Variants in GRK3 observed in about 807,000 individuals in gnomAD.
The protein encoded by GRK3 is G protein-coupled receptor kinase 3, also known as adrenergic, beta, receptor kinase 2.
In GRK3, 54 loss-of-function variants were observed where a neutral mutation model predicts 95.7. The ratio of observed to expected loss-of-function variants is 0.56; its 90% CI spans 0.45 to 0.71. GRK3 has a LOEUF of 0.71. Ranked by LOEUF, GRK3 falls within the 30% of genes least tolerant of loss-of-function variation. The probability of loss-of-function intolerance (pLI) is 0.00; values close to 1 mark genes in which losing one functional copy is unlikely to be tolerated. For synonymous variants in GRK3, 281 were observed against 290.8 expected, an observed-to-expected ratio of 0.97 and a Z score of 0.34; for missense variants, 649 against 851.2, an observed-to-expected ratio of 0.76 and a Z score of 2.96.
intron 9 of GRK3, among the ~76,000 whole-genome samples, chr22:25,679,130 T>C (rs903068375): frequency 6.6e-6 from 1 of 152,208 alleles, no homozygotes; most frequent in African/African-American, 2.4e-5. Flanking sequence ...TGCCTATTTA[T>C]TTGTCCTTGA....
chr22:25,607,106 A>G (rs971760652), intron 2 of GRK3, among the ~76,000 whole-genome samples: 5 of 152,250 alleles, frequency 3.3e-5, no homozygotes, highest in African/African-American at 1.2e-4. Context: ...GTGTATATAT[A>G]TATATTTACA....
chr22:25,647,847 A>ATGCCAC (rs1306794291), intron 3 of GRK3: 11 of 734,548 alleles, frequency 1.5e-5, no homozygotes, highest in Admixed American at 9.1e-5. Flanking sequence ...GCAGTGGCTC[A>ATGCCAC]TGCCTGTAAT....
At chr22:25,580,437 G>A (rs1950946085) in intron 1 of GRK3, 1 of 152,224 alleles carries the variant, frequency 6.6e-6, no homozygotes, top group Admixed American at 6.5e-5. Flanking sequence ...GAGTTGGGAA[G>A]TGATAATAGA....
intron 1 of GRK3, among the ~76,000 whole-genome samples, chr22:25,597,383 C>T (rs2084379468): frequency 6.6e-6 from 1 of 152,118 alleles, no homozygotes; most frequent in Non-Finnish European, 1.5e-5. Context: ...TGTTCTATAG[C>T]ACTGTAGGAT....
At chr22:25,598,148 A>T (rs2084384929) in intron 1 of GRK3, among the ~76,000 whole-genome samples, 2 of 152,374 alleles carry the variant, frequency 1.3e-5, no homozygotes, top group South Asian at 2.1e-4. Flanking sequence ...GCATATGACA[A>T]TAATAGCACA....
intron 2 of GRK3, among the ~76,000 whole-genome samples, chr22:25,614,364 G>A (rs2084522151): frequency 6.6e-6 from 1 of 152,090 alleles, no homozygotes; most frequent in Non-Finnish European, 1.5e-5. Context: ...GGACTCCTGG[G>A]CTCAAGAGAT....
At chr22:25,631,868 A>G (rs1402803774) in intron 2 of GRK3, among the ~76,000 whole-genome samples, 2 of 152,146 alleles carry the variant, frequency 1.3e-5, no homozygotes, top group African/African-American at 4.8e-5. Flanking sequence ...TTTATTTAGC[A>G]TGATGTGTTT....
At chr22:25,687,970 C>T (rs12168036) in intron 11 of GRK3, among the ~76,000 whole-genome samples, 7 of 152,208 alleles carry the variant, frequency 4.6e-5, no homozygotes, top group South Asian at 2.1e-4. Flanking sequence ...GGTGCGGTGG[C>T]TCATGCCTGT....
intron 1 of GRK3, among the ~76,000 whole-genome samples, chr22:25,572,125 G>C (rs1424434482): frequency 6.6e-6 from 1 of 150,908 alleles, no homozygotes; most frequent in African/African-American, 2.4e-5. Context: ...TTCTGTTCCT[G>C]TGTTAGTTTG....
At chr22:25,644,159 T>G (rs12158269) in intron 2 of GRK3, among the ~76,000 whole-genome samples, 1,600 of 151,968 alleles carry the variant, frequency 0.011, 26 homozygotes, top group African/African-American at 0.035. Flanking sequence ...TTGTTTGTTT[T>G]TTTTTTAGGG....
intron 11 of GRK3, among the ~76,000 whole-genome samples, chr22:25,688,084 A>G (rs1160829998): frequency 2.0e-5 from 3 of 152,006 alleles, no homozygotes; most frequent in African/African-American, 7.3e-5. Context: ...AAAATACAAA[A>G]AATTAGCCGG....
At chr22:25,635,392 C>T (rs530476153) in intron 2 of GRK3, among the ~76,000 whole-genome samples, 4 of 152,112 alleles carry the variant, frequency 2.6e-5, no homozygotes, top group Non-Finnish European at 5.9e-5. Flanking sequence ...AAAATCAGGA[C>T]ATTGAACACA....
At chr22:25,572,019 C>T (rs1931716122) in intron 1 of GRK3, among the ~76,000 whole-genome samples, 1 of 151,844 alleles carries the variant, frequency 6.6e-6, no homozygotes, top group African/African-American at 2.4e-5. Context: ...CCCCCCGCCC[C>T]ATGATAGACC....
At chr22:25,590,276 A>G (rs1932448228) in intron 1 of GRK3, among the ~76,000 whole-genome samples, 1 of 152,142 alleles carries the variant, frequency 6.6e-6, no homozygotes, top group African/African-American at 2.4e-5. Flanking sequence ...CCTTAATATT[A>G]TCAAATAGTC....
At chr22:25,706,328 G>A (rs535986675) in intron 15 of GRK3, among the ~76,000 whole-genome samples, 1 of 152,038 alleles carries the variant, frequency 6.6e-6, no homozygotes, top group Admixed American at 6.5e-5. Context: ...CAAGTGTGCA[G>A]CTCAATGCCC....
rs566792099 is a variant in GRK3 at position 25,602,509 on chromosome 22, G to T, written c.114-1868G>T. 2.0e-5 allele frequency among the ~76,000 whole-genome samples: 3 copies of T among 152,108 alleles called. No individual in the cohort carries two copies. The East Asian group carries it at 5.8e-4, about 29-fold the overall frequency. On this transcript the variant is annotated intron_variant, in intron 1 of 20. Transcript: ENST00000324198. Reference sequence around the variant, plus strand: ...AAATGAAAACGCATGCCCATAAAAAGACTTATACATAGATATTTAAAGCAC... The same window carrying T: ...AAATGAAAACGCATGCCCATAAAAATACTTATACATAGATATTTAAAGCAC...
chr22:25,590,615 A>T (rs1202548479), intron 1 of GRK3, among the ~76,000 whole-genome samples: 2 of 152,084 alleles, frequency 1.3e-5, no homozygotes, highest in Non-Finnish European at 2.9e-5. Context: ...AGGTCAAGAG[A>T]TCGAGACTCT....
At chr22:25,580,132 G>A (rs2146317889) in intron 1 of GRK3, 1 of 152,250 alleles carries the variant, frequency 6.6e-6, no homozygotes, top group South Asian at 2.1e-4. Flanking sequence ...GGAGAGAGAG[G>A]AACAGTGAAA....
rs549387053 is a variant in GRK3 at position 25,654,762 on chromosome 22, A to G, written c.265-6814A>G. 7.8e-4 allele frequency among the ~76,000 whole-genome samples: 119 copies of G among 152,310 alleles called. 1 individual carries two copies. Among genetic ancestry groups the G allele is most frequent in the African/African-American group, 2.7e-3 (111 of 41,568 alleles). On this transcript the variant is annotated intron_variant, in intron 3 of 20. Transcript: ENST00000324198. ...ATCTACTTGTGGTTATTTCCTAAGT[A>G]CTTATTGCAGATATGGTGGTGATTG...
Sources: gnomAD v4.1 joint callset for allele counts (sites outside exome capture counted in the v4.1 genomes callset) on GRCh38, gnomAD v4.1.1 for gene constraint, MANE v1.5 for transcripts, NCBI Gene and HGNC (gene_info 2026-07-23, HGNC 2026-07-21) for gene names.